DLG2: variants seen among roughly 807,000 people sequenced by gnomAD.
The protein encoded by DLG2 is disks large homolog 2.
A neutral mutation model predicts 132.5 loss-of-function variants in DLG2; 45 were observed. That is an observed-to-expected ratio of 0.34 (90% confidence interval 0.27 to 0.44). The LOEUF is 0.44. Ranked by LOEUF, DLG2 falls within the 20% of genes least tolerant of loss-of-function variation. The probability of loss-of-function intolerance (pLI) is 1.00; values close to 1 mark genes in which losing one functional copy is unlikely to be tolerated. For synonymous variants in DLG2, 424 were observed against 419.6 expected, an observed-to-expected ratio of 1.01 and a Z score of -0.13; for missense variants, 1,045 against 1,196.9, an observed-to-expected ratio of 0.87 and a Z score of 1.87.
intron 6 of DLG2, among the ~76,000 whole-genome samples, chr11:84,807,829 T>C (rs2076165721): frequency 6.6e-6 from 1 of 152,092 alleles, no homozygotes; most frequent in African/African-American, 2.4e-5. Flanking sequence ...TATGTACAAA[T>C]AAGAGTTGTA....
intron 7 of DLG2, among the ~76,000 whole-genome samples, chr11:84,304,277 C>T (rs760629684): frequency 2.0e-5 from 3 of 152,254 alleles, no homozygotes; most frequent in Non-Finnish European, 4.4e-5. Flanking sequence ...TCTGGGAATA[C>T]GAGGAATCTC....
At chr11:85,521,577 T>C (rs368251970) in intron 3 of DLG2, among the ~76,000 whole-genome samples, 3 of 151,766 alleles carry the variant, frequency 2.0e-5, no homozygotes, top group Non-Finnish European at 4.4e-5. Context: ...CAGACAGAGG[T>C]TGGAACAGTT....
At chr11:84,706,720 G>A (rs1454468849) in intron 6 of DLG2, among the ~76,000 whole-genome samples, 2 of 142,972 alleles carry the variant, frequency 1.4e-5, no homozygotes, top group African/African-American at 5.0e-5. Context: ...AGGAAGAAAG[G>A]AAGGAAGGGA....
At chr11:83,791,068 C>T (rs1246010627) in intron 17 of DLG2, 7 of 705,406 alleles carry the variant, frequency 9.9e-6, no homozygotes, top group African/African-American at 5.4e-5. Flanking sequence ...TCCTTTCGGA[C>T]GCCATTCAGG....
intron 6 of DLG2, among the ~76,000 whole-genome samples, chr11:84,630,704 A>T (rs1342046274): frequency 2.1e-5 from 3 of 141,954 alleles, no homozygotes; most frequent in African/African-American, 7.5e-5. Flanking sequence ...CATTATAACA[A>T]TTTTCTTTCA....
chr11:85,227,352 A>G (rs1389468979), intron 4 of DLG2, among the ~76,000 whole-genome samples: 1 of 152,142 alleles, frequency 6.6e-6, no homozygotes, highest in African/African-American at 2.4e-5. Context: ...TATTCCTGTC[A>G]TAGGCTTAAT....
chr11:84,809,934 C>A (rs1038334995), intron 6 of DLG2, among the ~76,000 whole-genome samples: 13 of 151,892 alleles, frequency 8.6e-5, no homozygotes, highest in Non-Finnish European at 1.3e-4. Flanking sequence ...GCCCAATTGG[C>A]TTTTGACAAG....
intron 6 of DLG2, among the ~76,000 whole-genome samples, chr11:84,787,091 C>T (rs2073033095): frequency 6.6e-6 from 1 of 152,136 alleles, no homozygotes; most frequent in African/African-American, 2.4e-5. Context: ...GACTTTTTTG[C>T]AGCAGGCATT....
At chr11:85,372,692 G>T (rs895461493) in intron 3 of DLG2, among the ~76,000 whole-genome samples, 5 of 152,250 alleles carry the variant, frequency 3.3e-5, no homozygotes, top group African/African-American at 1.2e-4. Flanking sequence ...AGACATAGGT[G>T]ACAGCGAATA....
chr11:84,964,506 T>C lies in DLG2; in HGVS notation c.357+147155A>G, dbSNP rs2053047838. Among the ~76,000 whole-genome samples, 6 of 152,138 alleles carry C rather than the reference T, an allele frequency of 3.9e-5. No homozygotes were observed. The South Asian group carries it at 1.2e-3, about 31-fold the overall frequency. On this transcript the variant is annotated intron_variant, in intron 6 of 27. Transcript: ENST00000376104. ...TCATCTATTCTATGCCCCAAAATATTCATTTCTAACTCTTAAATGAAATGA... is the reference window on the plus strand; with the variant it reads ...TCATCTATTCTATGCCCCAAAATATCCATTTCTAACTCTTAAATGAAATGA...
chr11:84,473,660 C>G (rs918156228), intron 7 of DLG2, among the ~76,000 whole-genome samples: 3 of 151,846 alleles, frequency 2.0e-5, no homozygotes, highest in East Asian at 3.9e-4. Context: ...CTAGCATATC[C>G]AGCCAGATTT....
chr11:84,726,798 T>A (rs918488184), intron 6 of DLG2, among the ~76,000 whole-genome samples: 2 of 152,206 alleles, frequency 1.3e-5, no homozygotes, highest in African/African-American at 4.8e-5. Context: ...TTTTTAATGA[T>A]TGCCATTCTG....
chr11:84,024,603 G>A (rs1216327747), intron 11 of DLG2, among the ~76,000 whole-genome samples: 2 of 152,100 alleles, frequency 1.3e-5, no homozygotes, highest in African/African-American at 4.8e-5. Context: ...TGTCATTCAT[G>A]ACAACATAGA....
chr11:84,254,373 A>G (rs959538315), intron 7 of DLG2, among the ~76,000 whole-genome samples: 1 of 152,198 alleles, frequency 6.6e-6, no homozygotes, highest in Non-Finnish European at 1.5e-5. Context: ...AGTCTTTCCA[A>G]GAAGACTGTA....
Position 85,498,317 on chromosome 11 carries a change from T to A in DLG2, c.40+100340A>T, listed in dbSNP as rs138059007. On this transcript the variant is annotated intron_variant, in intron 3 of 27. Transcript: ENST00000376104. ...AAAACAGACTTTAAACGAACAAAGA[T>A]CAAAAGAGACAAAGAATGCCATTAC... 2.6e-4 allele frequency among the ~76,000 whole-genome samples: 39 copies of A among 151,912 alleles called. No individual in the cohort carries two copies. The East Asian group carries it at 7.5e-3, about 29-fold the overall frequency.
At chr11:84,741,336 G>C (rs138790419) in intron 6 of DLG2, among the ~76,000 whole-genome samples, 9,117 of 151,994 alleles carry the variant, frequency 0.06, 350 homozygotes, top group Non-Finnish European at 0.088. Context: ...TTACAGGCGT[G>C]AGCCACCGCG....
At chr11:84,164,568 G>A (rs547581068) in intron 8 of DLG2, among the ~76,000 whole-genome samples, 1 of 152,186 alleles carries the variant, frequency 6.6e-6, no homozygotes, top group Non-Finnish European at 1.5e-5. Flanking sequence ...CTAACACAGA[G>A]CCTGGCAAGA....
intron 9 of DLG2, among the ~76,000 whole-genome samples, chr11:84,100,342 A>G (rs2092415682): frequency 6.8e-6 from 1 of 147,374 alleles, no homozygotes; most frequent in Non-Finnish European, 1.5e-5. Context: ...GGATATATAT[A>G]TCTTTCTAAA....
chr11:84,651,067 G>A (rs2099681494), intron 6 of DLG2, among the ~76,000 whole-genome samples: 1 of 151,216 alleles, frequency 6.6e-6, no homozygotes, highest in South Asian at 2.1e-4. Context: ...TATCTTACTT[G>A]ACCTTTCTGA....
Sources: gnomAD v4.1 joint callset for allele counts (sites outside exome capture counted in the v4.1 genomes callset) on GRCh38, gnomAD v4.1.1 for gene constraint, MANE v1.5 for transcripts, NCBI Gene and HGNC (gene_info 2026-07-23, HGNC 2026-07-21) for gene names.